The following CTNNA3 variants were observed in gnomAD, a reference collection of about 807,000 sequenced individuals.
CTNNA3 encodes the protein catenin alpha-3.
In CTNNA3, 76 loss-of-function variants were observed where a neutral mutation model predicts 95.7. The ratio of observed to expected loss-of-function variants is 0.79; its 90% CI spans 0.66 to 0.96. CTNNA3 has a LOEUF of 0.96. Ranked by LOEUF, CTNNA3 falls within the 40% of genes least tolerant of loss-of-function variation. CTNNA3 has a pLI of 0.00. For synonymous variants in CTNNA3, 431 were observed against 374.4 expected (o/e 1.15, Z -1.74); for missense variants, 1,191 against 1,089.8 (o/e 1.09, Z -1.31).
At chr10:66,888,296 A>G (rs984544495) in intron 7 of CTNNA3, among the ~76,000 whole-genome samples, 7 of 152,208 alleles carry the variant, frequency 4.6e-5, no homozygotes, top group African/African-American at 1.7e-4. Context: ...TGAATTCTGT[A>G]AACACTTTAA....
intron 7 of CTNNA3, among the ~76,000 whole-genome samples, chr10:66,885,062 G>C (rs1844994458): frequency 6.6e-6 from 1 of 152,124 alleles, no homozygotes; most frequent in Admixed American, 6.5e-5. Context: ...AAGCAATAAT[G>C]CATCATCCAA....
rs866816833 is a variant in CTNNA3, at chr10:67,155,535, G to A, written c.1047+24782C>T. On this transcript the variant is annotated intron_variant, in intron 7 of 17. Transcript: ENST00000433211. ...TATGTGTTTGTATTAATATATGTGTGTGTGTGTGTGTGTGTTGTACATTCA... is the reference window on the plus strand; with the variant it reads ...TATGTGTTTGTATTAATATATGTGTATGTGTGTGTGTGTGTTGTACATTCA... Among the ~76,000 whole-genome samples the A allele has an allele frequency of 5.0e-4, 12 of 23,870 alleles. No individual in the cohort carries two copies. In the African/African-American group the frequency reaches 6.2e-3, roughly 12 times the overall value. 15.7% of individuals were successfully genotyped at this position (23,870 alleles called of 152,430 possible).
At chr10:67,342,752 G>T (rs1420334535) in intron 5 of CTNNA3, among the ~76,000 whole-genome samples, 2 of 152,132 alleles carry the variant, frequency 1.3e-5, no homozygotes, top group Admixed American at 6.5e-5. Flanking sequence ...TTCACTGCAG[G>T]TGTGTGAATT....
At chr10:66,945,839 C>A (rs1461023168) in intron 7 of CTNNA3, among the ~76,000 whole-genome samples, 1 of 151,928 alleles carries the variant, frequency 6.6e-6, no homozygotes, top group Non-Finnish European at 1.5e-5. Flanking sequence ...GGGAGGCCCA[C>A]AGTAAGGGAG....
At chr10:66,439,853 G>A (rs943683629) in intron 11 of CTNNA3, among the ~76,000 whole-genome samples, 3 of 152,116 alleles carry the variant, frequency 2.0e-5, no homozygotes, top group Middle Eastern at 3.4e-3. Context: ...TCAAATCACA[G>A]GTTTTTAGAA....
intron 5 of CTNNA3, among the ~76,000 whole-genome samples, chr10:67,270,268 C>T (rs1838917385): frequency 6.6e-6 from 1 of 152,008 alleles, no homozygotes; most frequent in Non-Finnish European, 1.5e-5. Context: ...ACATGTTGCT[C>T]TTTTAAAATA....
intron 15 of CTNNA3, among the ~76,000 whole-genome samples, chr10:65,990,263 T>A (rs895816250): frequency 2.0e-5 from 3 of 152,030 alleles, no homozygotes; most frequent in African/African-American, 7.2e-5. Context: ...GATTGCTAGA[T>A]CATACGTTAG....
In CTNNA3 at chr10:67,301,306, C is replaced by T. The variant is rs143335136; in HGVS notation, c.580-81436G>A. Among the ~76,000 whole-genome samples, 75 of 152,064 alleles carry T rather than the reference C, an allele frequency of 4.9e-4. No homozygotes were observed. The Middle Eastern group carries it at 0.01, about 21-fold the overall frequency. On this transcript the variant is annotated intron_variant, in intron 5 of 17. Coordinates refer to ENST00000433211, the MANE Select transcript of CTNNA3 (RefSeq NM_013266.4). ...ATTATTAAAAACCACAATGAGACAT[C>T]TCACCTCATACCTGTTAGAATGGTT...
intron 7 of CTNNA3, among the ~76,000 whole-genome samples, chr10:66,870,551 C>T (rs1199067335): frequency 6.6e-6 from 1 of 152,170 alleles, no homozygotes; most frequent in African/African-American, 2.4e-5. Context: ...ACCCCAAATG[C>T]TGTGAACAAA....
intron 7 of CTNNA3, among the ~76,000 whole-genome samples, chr10:67,174,136 C>A (rs1156392063): frequency 6.6e-6 from 1 of 152,162 alleles, no homozygotes; most frequent in Non-Finnish European, 1.5e-5. Context: ...CATTCTCCTC[C>A]TGTGCTCTGG....
At chr10:65,969,073 G>C (rs1164102788) in intron 16 of CTNNA3, among the ~76,000 whole-genome samples, 1 of 152,112 alleles carries the variant, frequency 6.6e-6, no homozygotes, top group Non-Finnish European at 1.5e-5. Flanking sequence ...CATCGGTATT[G>C]GTCATACACA....
intron 5 of CTNNA3, among the ~76,000 whole-genome samples, chr10:67,372,293 G>A (rs1300139200): frequency 2.0e-5 from 3 of 152,136 alleles, no homozygotes; most frequent in Non-Finnish European, 4.4e-5. Context: ...TAGACATGAA[G>A]TCCTTGCCCA....
chr10:66,437,316 C>T (rs2093344972), intron 11 of CTNNA3, among the ~76,000 whole-genome samples: 1 of 152,188 alleles, frequency 6.6e-6, no homozygotes, highest in African/African-American at 2.4e-5. Flanking sequence ...CTGTTACTTT[C>T]AGGTACACCA....
At chr10:67,086,465 T>A (rs1857314936) in intron 7 of CTNNA3, among the ~76,000 whole-genome samples, 1 of 152,044 alleles carries the variant, frequency 6.6e-6, no homozygotes, top group African/African-American at 2.4e-5. Flanking sequence ...TGAAAGCCTG[T>A]TTGGATGTCA....
At chr10:66,479,718 G>A (rs1034253343) in intron 11 of CTNNA3, among the ~76,000 whole-genome samples, 1 of 151,912 alleles carries the variant, frequency 6.6e-6, no homozygotes, top group African/African-American at 2.4e-5. Context: ...CAAGAGTACG[G>A]AACCAAGGAA....
chr10:66,745,331 C>G (rs1399667645), intron 9 of CTNNA3, among the ~76,000 whole-genome samples: 1 of 152,126 alleles, frequency 6.6e-6, no homozygotes, highest in Non-Finnish European at 1.5e-5. Context: ...CAAGGTCAAA[C>G]AGTAAACTTG....
At chr10:66,064,731 A>G (rs1050463458) in intron 15 of CTNNA3, among the ~76,000 whole-genome samples, 4 of 152,192 alleles carry the variant, frequency 2.6e-5, no homozygotes, top group Admixed American at 6.5e-5. Context: ...CTTAGTATCA[A>G]CATTTAGGAT....
chr10:66,417,873 G>A (rs948574881), intron 11 of CTNNA3, among the ~76,000 whole-genome samples: 10 of 151,774 alleles, frequency 6.6e-5, no homozygotes, highest in Non-Finnish European at 8.8e-5. Flanking sequence ...GTAGTACTAC[G>A]AGGGAAGTTT....
chr10:66,491,685 G>T (rs542370038), intron 11 of CTNNA3, among the ~76,000 whole-genome samples: 1 of 152,006 alleles, frequency 6.6e-6, no homozygotes, highest in African/African-American at 2.4e-5. Context: ...TCTGAAGGAG[G>T]CAAAAGGAAT....
Sources: allele counts gnomAD v4.1 joint callset (sites outside exome capture counted in the v4.1 genomes callset), GRCh38; gene constraint gnomAD v4.1.1; transcripts MANE v1.5; gene names NCBI Gene and HGNC (gene_info 2026-07-23, HGNC 2026-07-21).